Variants in EPB41L1 observed in about 807,000 individuals in gnomAD.
EPB41L1 encodes the protein erythrocyte membrane protein band 4.1 like 1, also known as band 4.1-like protein 1.
EPB41L1 carries 29 observed loss-of-function variants against 97.8 expected under a neutral mutation model. The observed-to-expected ratio is 0.30, with a 90% CI of 0.22 to 0.40. EPB41L1 has a LOEUF of 0.40. Among genes scored for constraint, EPB41L1 ranks in the 10% least tolerant of loss-of-function variants. The pLI is 1.00. For missense variants in EPB41L1, 812 were observed against 1,162.3 expected, an observed-to-expected ratio of 0.70 and a Z score of 4.38; for synonymous variants, 383 against 459.2, an observed-to-expected ratio of 0.83 and a Z score of 2.12.
intron 13 of EPB41L1, among the ~76,000 whole-genome samples, chr20:36,197,399 C>G (rs948711072): frequency 6.6e-6 from 1 of 152,180 alleles, no homozygotes; most frequent in Non-Finnish European, 1.5e-5. Context: ...CTAGGAGGCA[C>G]CTGAATGAGT....
intron 2 of EPB41L1, among the ~76,000 whole-genome samples, chr20:36,143,839 CTTTTTCTTTTTTTTTCT>C (rs1569122247): frequency 6.9e-6 from 1 of 143,984 alleles, no homozygotes. Context: ...TTTTCTTTTT[CTTTTTCTTTTTTTTTCT>C]TTTTTCTTTT....
intron 14 of EPB41L1, among the ~76,000 whole-genome samples, chr20:36,202,300 T>C (rs767482709): frequency 2.6e-5 from 4 of 152,232 alleles, no homozygotes; most frequent in Non-Finnish European, 4.4e-5. Flanking sequence ...TCGTGTTGAA[T>C]TGAAATCTGC....
chr20:36,153,468 C>A (rs1033812370), upstream of EPB41L1, among the ~76,000 whole-genome samples: 1 of 152,126 alleles, frequency 6.6e-6, no homozygotes, highest in African/African-American at 2.4e-5. Context: ...CTATGGCCAG[C>A]ACATGGTAGG....
chr20:36,116,213 T>TC lies in EPB41L1; in HGVS notation c.-10+3734dup, dbSNP rs2058579783. ...GAAAGGGGGAGAAGGGGACATTTGA[T>TC]CTAAGTTGAGGGGAACTAGGATTTG... On this transcript the variant is annotated intron_variant, in intron 2 of 19. Transcript: ENST00000202028. 2.6e-5 allele frequency among the ~76,000 whole-genome samples: 4 copies of TC among 152,034 alleles called. No individual in the cohort carries two copies. In the South Asian group the frequency reaches 8.3e-4, roughly 32 times the overall value.
chr20:36,217,369 C>A (rs772057467), intron 17 of EPB41L1, among the ~76,000 whole-genome samples: 15 of 152,062 alleles, frequency 9.9e-5, no homozygotes, highest in Non-Finnish European at 1.8e-4. Flanking sequence ...GTGAGGAGAG[C>A]CTGAATGTGG....
rs533182976 is a variant in EPB41L1, at chr20:36,207,802, C to T, written c.1669-1686C>T. 1.0e-5 allele frequency: 13 copies of T among 1,278,028 alleles called. No homozygotes were observed. Among genetic ancestry groups the T allele is most frequent in the East Asian group, 5.6e-5 (1 of 17,900 alleles). The allele number at this position is 1,278,028 out of a possible 1,614,324, so 79.2% of individuals were successfully genotyped here. ...TGGGGTAACTGGCCGCGTGAGCCCC[C>T]GCCCCCACCGCTGCTCCCCGCCCAT... On this transcript the variant is annotated intron_variant, in intron 14 of 21. Transcript: ENST00000338074. This position sits in a 1 kb window ranked among gnomAD's most constrained non-coding sequence, Gnocchi z 4.9.
At chr20:36,103,950 CG>C (rs1271229220) in intron 1 of EPB41L1, among the ~76,000 whole-genome samples, 2 of 152,062 alleles carry the variant, frequency 1.3e-5, no homozygotes, top group Non-Finnish European at 2.9e-5. Context: ...ATGATCTGCC[CG>C]CCTCGGCCTC....
At chr20:36,188,312 C>G in intron 8 of EPB41L1, 35 bp from the exon 9 acceptor site, 1 of 1,612,010 alleles carries the variant, frequency 6.2e-7, no homozygotes, top group Non-Finnish European at 8.5e-7. Flanking sequence ...GGCATGGACC[C>G]CGGGCCTCCC....
intron 14 of EPB41L1, among the ~76,000 whole-genome samples, chr20:36,204,665 C>T (rs565474052): frequency 3.6e-5 from 5 of 137,806 alleles, no homozygotes; most frequent in South Asian, 2.3e-4. Context: ...TTTTTTTAGA[C>T]GGAGTCTCGC....
chr20:36,153,053 G>T (rs746480370), upstream of EPB41L1: 1 of 456,774 alleles, frequency 2.2e-6, no homozygotes, highest in South Asian at 1.5e-5. Flanking sequence ...TGAGCAGGGG[G>T]AGTGAAGGCA....
intron 2 of EPB41L1, chr20:36,125,597 C>T: frequency 2.6e-6 from 4 of 1,518,168 alleles, no homozygotes; most frequent in Middle Eastern, 1.7e-4. Flanking sequence ...TGCACAGAGG[C>T]ATGAAACACT....
rs528001090 is a variant in EPB41L1 at position 36,210,873 on chromosome 20, G to T, written c.2079+975G>T. ...GGCACTAATAGATGATTAACTGGAT[G>T]AATGGCTGGGTTACAGGGTTGCAAC... On this transcript the variant is annotated intron_variant, in intron 15 of 21. Coordinates refer to ENST00000338074, the MANE Select transcript of EPB41L1 (RefSeq NM_012156.2). Among the ~76,000 whole-genome samples, 5 of 152,304 alleles carry T rather than the reference G, an allele frequency of 3.3e-5. No individual in the cohort carries two copies. In the East Asian group the frequency reaches 5.8e-4, roughly 18 times the overall value.
chr20:36,142,963 G>A (rs1339907470), intron 2 of EPB41L1, among the ~76,000 whole-genome samples: 1 of 152,200 alleles, frequency 6.6e-6, no homozygotes, highest in African/African-American at 2.4e-5. Flanking sequence ...TTCACGTAGT[G>A]GAGAGTGATT....
intron 1 of EPB41L1, among the ~76,000 whole-genome samples, chr20:36,171,362 T>G (rs1448272473): frequency 6.6e-6 from 1 of 152,034 alleles, no homozygotes; most frequent in Non-Finnish European, 1.5e-5. Flanking sequence ...GTCCTGTAAG[T>G]GACAGAGAGC....
chr20:36,222,919 TG>T lies in EPB41L1; in HGVS notation c.2637+527del, dbSNP rs1424739922. ...ATTGCAATTTTTATATTTTTTGAGA[TG>T]GAGTCTTGCTCTGTCACCCAGGCTG... On this transcript the variant is annotated intron_variant, in intron 21 of 21. Coordinates refer to ENST00000338074, the MANE Select transcript of EPB41L1 (RefSeq NM_012156.2). 7.4e-4 allele frequency among the ~76,000 whole-genome samples: 112 copies of T among 152,286 alleles called. 1 individual carries two copies. The highest frequency in any genetic ancestry group is 2.5e-3 in the African/African-American group (105 of 41,562).
intron 20 of EPB41L1, 81 bp from the exon 21 acceptor site, chr20:36,222,197 A>G: frequency 7.8e-7 from 1 of 1,285,030 alleles, no homozygotes; most frequent in Non-Finnish European, 1.1e-6. Flanking sequence ...CCAGCTGTGC[A>G]CTAGAGGGCT....
chr20:36,215,374 C>A (rs2063381408), intron 17 of EPB41L1, among the ~76,000 whole-genome samples: 1 of 152,172 alleles, frequency 6.6e-6, no homozygotes, highest in Admixed American at 6.5e-5. Context: ...CCGCATGGGG[C>A]TGGGGCTGCG....
At chr20:36,224,297 G>C (rs1032822451) in intron 21 of EPB41L1, among the ~76,000 whole-genome samples, 4 of 152,074 alleles carry the variant, frequency 2.6e-5, no homozygotes, top group Non-Finnish European at 5.9e-5. Flanking sequence ...TTTTTACATT[G>C]GTTACATATT....
chr20:36,179,826 T>G (rs1269070335), intron 5 of EPB41L1, among the ~76,000 whole-genome samples: 1 of 152,146 alleles, frequency 6.6e-6, no homozygotes, highest in Non-Finnish European at 1.5e-5. Context: ...TTCTGTCAGT[T>G]GGAGACAAAG....
Sources: allele counts gnomAD v4.1 joint callset (sites outside exome capture counted in the v4.1 genomes callset), GRCh38; gene constraint gnomAD v4.1.1; non-coding constraint Gnocchi (gnomAD v3.1); transcripts MANE v1.5; gene names NCBI Gene and HGNC (gene_info 2026-07-23, HGNC 2026-07-21).